The following KIF18B variants were observed in gnomAD, a reference collection of about 807,000 sequenced individuals.
KIF18B encodes kinesin family member 18B.
KIF18B carries 49 observed loss-of-function variants against 80.9 expected under a neutral mutation model. The observed-to-expected ratio is 0.61, with a 90% CI of 0.48 to 0.77. KIF18B has a LOEUF of 0.77. KIF18B is among the 30% of genes least tolerant of loss of function. The pLI is 0.00. For missense variants in KIF18B, 994 were observed against 1,127.7 expected, an observed-to-expected ratio of 0.88 and a Z score of 1.70; for synonymous variants, 439 against 463.9, an observed-to-expected ratio of 0.95 and a Z score of 0.69.
chr17:44,935,929 C>A, intron 2 of KIF18B, 103 bp downstream of exon 2: 1 of 1,036,480 alleles, frequency 9.6e-7, no homozygotes, highest in Non-Finnish European at 1.4e-6. Flanking sequence ...TAAATCGTGC[C>A]CAGCTTGGGG....
rs375770975 is a variant in KIF18B, at chr17:44,925,825, C to T, written c.*255G>A. 18 of 524,368 alleles carry T rather than the reference C, an allele frequency of 3.4e-5. No individual in the cohort carries two copies. Among genetic ancestry groups the T allele is most frequent in the East Asian group, 1.7e-4 (5 of 28,726 alleles). The allele number at this position is 524,368 out of a possible 1,614,324, so 32.5% of individuals were successfully genotyped here. ...ACAAAAACCACCAAAAAACAAAAAA[C>T]AGCAGCACATTAACACTCACAAATG... On this transcript the variant is annotated 3_prime_UTR_variant, in exon 16 of 16. Transcript: ENST00000593135.
intron 1 of KIF18B, among the ~76,000 whole-genome samples, chr17:44,945,220 C>G (rs888036564): frequency 2.0e-5 from 3 of 152,184 alleles, no homozygotes; most frequent in African/African-American, 7.2e-5. Flanking sequence ...CGCCACCACA[C>G]CCCCCAATTT....
chr17:44,944,021 T>C (rs1275191026), intron 1 of KIF18B, among the ~76,000 whole-genome samples: 3 of 152,238 alleles, frequency 2.0e-5, no homozygotes, highest in Non-Finnish European at 4.4e-5. Context: ...CGGCTCCTAT[T>C]GAATTGTATT....
At chr17:44,935,185 A>G in intron 3 of KIF18B, 74 bp downstream of exon 3, 1 of 1,443,886 alleles carries the variant, frequency 6.9e-7, no homozygotes, top group Non-Finnish European at 9.3e-7. Flanking sequence ...GTCCCACACC[A>G]GCTCACTCCA....
chr17:44,933,496 CTTTT>C (rs913406618), intron 7 of KIF18B, among the ~76,000 whole-genome samples: 2 of 143,146 alleles, frequency 1.4e-5, no homozygotes, highest in African/African-American at 5.1e-5. Flanking sequence ...AGAGGAACTT[CTTTT>C]TTTTTTTTTT....
chr17:44,934,906 C>T lies in KIF18B; in HGVS notation c.501G>A (p.Leu167=). The T allele has an allele frequency of 1.3e-6, 2 of 1,551,506 alleles. No individual in the cohort carries two copies. The highest frequency in any genetic ancestry group is 1.7e-6 in the Non-Finnish European group (2 of 1,146,470). Residue 167 remains leucine (L), a synonymous_variant, in exon 4 of 16, where the codon CTG becomes CTA. Coordinates refer to ENST00000593135, the MANE Select transcript of KIF18B (RefSeq NM_001265577.2). This position sits in a 1 kb window ranked among gnomAD's most constrained non-coding sequence, Gnocchi z 5.4. Reference sequence around the variant, plus strand: ...GGATGGCAAGGGGCCCCTTGGGCTCCAGGAGGTCATGGATCTGTTCATTAT... The same window carrying T: ...GGATGGCAAGGGGCCCCTTGGGCTCTAGGAGGTCATGGATCTGTTCATTAT... ...EVYNEQIHDL[L]EPKGPLAIRE...
intron 1 of KIF18B, among the ~76,000 whole-genome samples, chr17:44,937,860 G>C (rs1597891379): frequency 6.6e-6 from 1 of 151,920 alleles, no homozygotes; most frequent in Non-Finnish European, 1.5e-5. Context: ...TCCCTATTTA[G>C]ACATTAGTTT....
At chr17:44,939,949 G>A (rs1189933629) in intron 1 of KIF18B, among the ~76,000 whole-genome samples, 1 of 152,292 alleles carries the variant, frequency 6.6e-6, no homozygotes. Flanking sequence ...GATTACAGGC[G>A]TGTGCCACCA....
At chr17:44,926,392 C>T in intron 15 of KIF18B, 22 bp downstream of exon 15, 1 of 1,560,558 alleles carries the variant, frequency 6.4e-7, no homozygotes, top group Non-Finnish European at 8.7e-7. Flanking sequence ...CCCAGGCTAT[C>T]CCTGTCCCTA....
At chr17:44,932,354 CT>C in intron 9 of KIF18B, 148 bp from the exon 10 acceptor site, 1 of 868,938 alleles carries the variant, frequency 1.2e-6, no homozygotes, top group Non-Finnish European at 1.7e-6. Flanking sequence ...GGGACAGATG[CT>C]TAGGTGACAA....
rs572889424 is a variant in KIF18B at position 44,933,905 on chromosome 17, G to T, written c.1062+18C>A. 6.1e-5 allele frequency: 94 copies of T among 1,543,474 alleles called. 1 individual carries two copies. Among genetic ancestry groups the T allele is most frequent in the Non-Finnish European group, 8.1e-5 (93 of 1,143,958 alleles). On this transcript the variant is annotated intron_variant, in intron 7 of 15. Coordinates refer to ENST00000593135, the MANE Select transcript of KIF18B (RefSeq NM_001265577.2). ...CTGGAGCTGCCCCACGCCCAAGCCG[G>T]CCCTGGCTGGCACGCACCGAGAGCC...
chr17:44,939,366 CAAAA>C (rs781348504), intron 1 of KIF18B, among the ~76,000 whole-genome samples: 9 of 36,950 alleles, frequency 2.4e-4, no homozygotes, highest in African/African-American at 8.4e-4. Flanking sequence ...GACTCCATCT[CAAAA>C]AAAAAAAAAA....
chr17:44,947,464 G>A (rs2052533790), intron 1 of KIF18B, among the ~76,000 whole-genome samples, 164 bp downstream of exon 1: 1 of 152,238 alleles, frequency 6.6e-6, no homozygotes, highest in African/African-American at 2.4e-5. Context: ...CATGCAGACA[G>A]AGCCTGCCGG....
chr17:44,929,137 G>A (rs1238904467), intron 11 of KIF18B, 113 bp from the exon 12 acceptor site: 1 of 911,604 alleles, frequency 1.1e-6, no homozygotes, highest in Non-Finnish European at 1.7e-6. Flanking sequence ...GTCTGAACTG[G>A]TCCCCTGGCT....
intron 11 of KIF18B, among the ~76,000 whole-genome samples, chr17:44,929,550 G>C (rs969748482): frequency 7.9e-5 from 12 of 152,180 alleles, no homozygotes; most frequent in Admixed American, 2.6e-4. Context: ...TTAGAATGGG[G>C]ATAACAAATG....
At chr17:44,926,831 T>C (rs564135958) in intron 14 of KIF18B, among the ~76,000 whole-genome samples, 158 bp downstream of exon 14, 2 of 152,180 alleles carry the variant, frequency 1.3e-5, no homozygotes, top group African/African-American at 4.8e-5. Context: ...GAAACCTCAA[T>C]AGGAGAACTA....
At position 44,940,402 on chromosome 17, in the gene KIF18B, A is replaced by G. The variant is rs546876529; in HGVS notation, c.-14-4044T>C. Among the ~76,000 whole-genome samples the G allele has an allele frequency of 2.0e-5, 3 of 152,314 alleles. No homozygotes were observed. The South Asian group carries it at 6.2e-4, about 32-fold the overall frequency. On this transcript the variant is annotated intron_variant, in intron 1 of 15. Transcript: ENST00000593135. ...ACACATATTTCTCCTTTAATCTATT[A>G]ATGTAGAGGGTGACTCAACAGATTT...
chr17:44,944,388 G>C (rs2052473717), intron 1 of KIF18B, among the ~76,000 whole-genome samples: 1 of 151,936 alleles, frequency 6.6e-6, no homozygotes, highest in South Asian at 2.1e-4. Context: ...GACTACAGGT[G>C]CCTGCCACCA....
chr17:44,934,023 C>A lies in KIF18B; in HGVS notation c.962G>T (p.Arg321Leu). The change falls in exon 7 of 16, where the codon CGC (arginine) becomes CTC (leucine). Residue 321 changes from arginine to leucine, a missense_variant. Transcript: ENST00000593135. The surrounding 1 kb of genome is among the most constrained non-coding windows in gnomAD (Gnocchi z 5.4). ...GCTGATGGCAGCGATCATCACTGTG[C>A]GGCAGTTGCCCCCGAGGGAGTCTTT... Reference protein sequence around the residue: ...LLKDSLGGNCRTVMIAAISPS... With the variant: ...LLKDSLGGNCLTVMIAAISPS... 1 of 1,611,400 alleles carries A rather than the reference C, an allele frequency of 6.2e-7. No homozygotes were observed. Among genetic ancestry groups the A allele is most frequent in the Non-Finnish European group, 8.5e-7 (1 of 1,179,016 alleles).
Sources: allele counts gnomAD v4.1 joint callset (sites outside exome capture counted in the v4.1 genomes callset), GRCh38; gene constraint gnomAD v4.1.1; non-coding constraint Gnocchi (gnomAD v3.1); transcripts MANE v1.5; gene names NCBI Gene and HGNC (gene_info 2026-07-23, HGNC 2026-07-21).